The following UBR3 variants were observed in gnomAD, a reference collection of about 807,000 sequenced individuals.
UBR3 encodes the protein ubiquitin protein ligase E3 component n-recognin 3, also known as E3 ubiquitin-protein ligase UBR3.
In UBR3, 85 loss-of-function variants were observed where a neutral mutation model predicts 243.2. That is an observed-to-expected ratio of 0.35 (90% confidence interval 0.29 to 0.42). The LOEUF (loss-of-function observed/expected upper bound fraction) is 0.42, where lower values mean the gene tolerates loss of function less well. UBR3 is among the 10% of genes least tolerant of loss of function. UBR3 has a pLI of 1.00. For missense variants in UBR3, 1,686 were observed against 2,300.8 expected (o/e 0.73, Z 5.47); for synonymous variants, 748 against 799.8 (o/e 0.94, Z 1.09).
chr2:169,949,691 A>C lies in UBR3; in HGVS notation c.3171A>C (p.Ala1057=). 1 of 1,551,586 alleles carries C rather than the reference A, an allele frequency of 6.4e-7. No homozygotes were observed. Residue 1057 remains alanine (A), a synonymous_variant, in exon 23 of 39, where the codon GCA becomes GCC. Transcript: ENST00000272793. The stretch of plus-strand genomic sequence containing the variant: ...TCATCAATCGCAGTAGCAGTGAAGC[A>C]AATCAGGTGGTTCGTCCCAAAACTT... ...QEIINRSSSE[A]NQVVRPKTSS...
At chr2:169,971,588 T>C in intron 24 of UBR3, among the ~76,000 whole-genome samples, 1 of 152,108 alleles carries the variant, frequency 6.6e-6, no homozygotes, top group Middle Eastern at 3.2e-3. Context: ...AGGGAATCCT[T>C]TCCCCATTGC....
chr2:169,895,048 A>G lies in UBR3; in HGVS notation c.1106-133A>G, dbSNP rs1249678122. On this transcript the variant is annotated intron_variant, in intron 6 of 38. Coordinates refer to ENST00000272793, the MANE Select transcript of UBR3 (RefSeq NM_172070.4). ...TACATTATAGAAATCTAGCTTGTCA[A>G]TATTATTGCATTATTGTAAGGATAT... 4.5e-5 allele frequency: 37 copies of G among 816,290 alleles called. No homozygotes were observed. The East Asian group carries it at 1.2e-3, about 26-fold the overall frequency. 50.6% of individuals were successfully genotyped at this position (816,290 alleles called of 1,614,324 possible). A position where few individuals can be genotyped will look rare whatever the true frequency, so the allele number is the denominator to read the frequency against.
At chr2:169,971,130 G>C (rs2105376220) in intron 24 of UBR3, among the ~76,000 whole-genome samples, 1 of 152,164 alleles carries the variant, frequency 6.6e-6, no homozygotes, top group East Asian at 1.9e-4. Flanking sequence ...CTTCTTTTGA[G>C]AAGTGTCTGT....
chr2:169,964,759 T>C (rs2087732040), intron 24 of UBR3: 1 of 410,076 alleles, frequency 2.4e-6, no homozygotes, highest in Non-Finnish European at 4.9e-6. Flanking sequence ...GATCATAGAT[T>C]TGAATGTCAT....
chr2:170,035,912 G>GGGC (rs1553538295), intron 31 of UBR3, among the ~76,000 whole-genome samples: 2 of 136,936 alleles, frequency 1.5e-5, no homozygotes, highest in Non-Finnish European at 3.2e-5. Context: ...TATTTTATTG[G>GGGC]GGGGGGGGTT....
At chr2:169,885,955 G>A (rs963861747) in intron 5 of UBR3, among the ~76,000 whole-genome samples, 2 of 152,058 alleles carry the variant, frequency 1.3e-5, no homozygotes, top group African/African-American at 2.4e-5. Context: ...TCAGGAGATC[G>A]AGATCAGCCT....
Position 170,001,430 on chromosome 2 carries a change from A to C in UBR3, c.4029+16A>C, listed in dbSNP as rs913642408. 5.2e-6 allele frequency: 8 copies of C among 1,552,722 alleles called. No homozygotes were observed. Among genetic ancestry groups the C allele is most frequent in the Admixed American group, 5.0e-5 (3 of 59,514 alleles). On this transcript the variant is annotated intron_variant, in intron 27 of 38. Transcript: ENST00000272793. ...ATCATTACGGGTAAGTTGATTGCAA[A>C]AATTTTTTAAAGGTGCATGTATCTT...
intron 24 of UBR3, among the ~76,000 whole-genome samples, chr2:169,982,991 G>T (rs1186218986): frequency 2.0e-5 from 3 of 152,106 alleles, no homozygotes; most frequent in African/African-American, 7.2e-5. Context: ...CCATGAGCTG[G>T]TGAGACAACT....
At chr2:169,854,327 C>G (rs1206218660) in intron 1 of UBR3, among the ~76,000 whole-genome samples, 1 of 150,852 alleles carries the variant, frequency 6.6e-6, no homozygotes, top group Admixed American at 6.6e-5. Context: ...GTCTCTGAAA[C>G]TGTTAATGCA....
chr2:169,846,027 T>C (rs930071517), intron 1 of UBR3, among the ~76,000 whole-genome samples: 1 of 109,262 alleles, frequency 9.2e-6, no homozygotes, highest in African/African-American at 3.3e-5. Flanking sequence ...AAAGCGCTTA[T>C]TATTCTGTTG....
At position 169,947,152 on chromosome 2, in the gene UBR3, T is replaced by C. The variant is rs935886128; in HGVS notation, c.2911-390T>C. The stretch of plus-strand genomic sequence containing the variant: ...CATAGATTTTAAAAGGTTATAAAGA[T>C]TCCTCTATGATTAGTGATACCTTTG... On this transcript the variant is annotated intron_variant, in intron 21 of 38. Transcript: ENST00000272793. 5.9e-5 allele frequency among the ~76,000 whole-genome samples: 9 copies of C among 152,124 alleles called. No homozygotes were observed. In the East Asian group the frequency reaches 1.7e-3, roughly 29 times the overall value.
At chr2:169,963,959 C>A (rs1404013187) in intron 24 of UBR3, among the ~76,000 whole-genome samples, 1 of 152,148 alleles carries the variant, frequency 6.6e-6, no homozygotes, top group Non-Finnish European at 1.5e-5. Context: ...CTGCTAAATA[C>A]TTTTAACATG....
At chr2:170,002,396 T>C (rs2089744389) in intron 27 of UBR3, among the ~76,000 whole-genome samples, 1 of 152,224 alleles carries the variant, frequency 6.6e-6, no homozygotes, top group Non-Finnish European at 1.5e-5. Context: ...TCTCCCATTT[T>C]CCTCAGCAGC....
Position 169,949,615 on chromosome 2 carries a change from C to T in UBR3, c.3095C>T (p.Thr1032Ile). ...CTTTGTTAATGGTAGAATTCTGGTA[C>T]AGCTCAAGTTTTCAGTTTAGTAGCA... Reference protein sequence around the residue: ...DNLGSLQNSGTAQVFSLVAER... With the variant: ...DNLGSLQNSGIAQVFSLVAER... Residue 1032 changes from threonine to isoleucine, a missense_variant, in exon 23 of 39, where the codon ACA becomes ATA. Thr to Ile is a moderately conservative substitution (Grantham distance 89). Around this residue, in one of 8 missense-constraint regions of UBR3, gnomAD observed 300 missense variants for 314.4 expected, o/e 0.95. Transcript: ENST00000272793. The T allele has an allele frequency of 6.5e-7, 1 of 1,536,840 alleles. No individual in the cohort carries two copies. Among genetic ancestry groups the T allele is most frequent in the Non-Finnish European group, 8.8e-7 (1 of 1,141,472 alleles).
At chr2:169,872,188 T>G in intron 1 of UBR3, 48 bp from the exon 2 acceptor site, 2 of 1,256,722 alleles carry the variant, frequency 1.6e-6, no homozygotes, top group Non-Finnish European at 2.1e-6. Flanking sequence ...TAATATATTT[T>G]TAGCTGATTA....
chr2:169,949,713 A>T lies in UBR3; in HGVS notation c.3193A>T (p.Thr1065Ser), dbSNP rs1363727617. The change falls in exon 23 of 39, where the codon ACT becomes TCT. Residue 1065 changes from threonine to serine, a missense_variant. Transcript: ENST00000272793. ...SEANQVVRPK[T>S]SSKWSAPGSA... ...AGCAAATCAGGTGGTTCGTCCCAAAACTTCAAGTAAATGGTCTGCTCCTGG... is the reference window on the plus strand; with the variant it reads ...AGCAAATCAGGTGGTTCGTCCCAAATCTTCAAGTAAATGGTCTGCTCCTGG... 1 of 1,551,606 alleles carries T rather than the reference A, an allele frequency of 6.4e-7. No homozygotes were observed. The highest frequency in any genetic ancestry group is 8.7e-7 in the Non-Finnish European group (1 of 1,146,758).
chr2:170,070,152 G>A (rs1283187725), intron 35 of UBR3, among the ~76,000 whole-genome samples: 2 of 152,172 alleles, frequency 1.3e-5, no homozygotes, highest in African/African-American at 4.8e-5. Flanking sequence ...ATTGAACATG[G>A]GCATGACCAA....
chr2:169,840,841 T>A (rs1035143085), intron 1 of UBR3, among the ~76,000 whole-genome samples: 4 of 152,092 alleles, frequency 2.6e-5, no homozygotes, highest in African/African-American at 9.7e-5. Flanking sequence ...GTGGCAGCCT[T>A]AGCAGCATCT....
chr2:170,003,718 G>GC (rs2105401920), intron 27 of UBR3, among the ~76,000 whole-genome samples: 1 of 152,044 alleles, frequency 6.6e-6, no homozygotes, highest in South Asian at 2.1e-4. Context: ...TCGGCTCACT[G>GC]CAAGCTCCGC....
Sources: gnomAD v4.1 joint callset for allele counts (sites outside exome capture counted in the v4.1 genomes callset) on GRCh38, gnomAD v4.1.1 for gene constraint, gnomAD v4.1.1 regional missense constraint, MANE v1.5 for transcripts, NCBI Gene and HGNC (gene_info 2026-07-23, HGNC 2026-07-21) for gene names.